The following RUFY1 variants were observed in gnomAD, a reference collection of about 807,000 sequenced individuals.
RUFY1 encodes the protein RUN and FYVE domain-containing protein 1.
RUFY1 carries 54 observed loss-of-function variants against 94.6 expected under a neutral mutation model. The observed-to-expected ratio is 0.57, with a 90% CI of 0.46 to 0.72. The LOEUF is 0.72. Among genes scored for constraint, RUFY1 ranks in the 30% least tolerant of loss-of-function variants. The pLI is 0.00. For synonymous variants in RUFY1, 396 were observed against 347.3 expected (o/e 1.14, Z -1.56); for missense variants, 883 against 883.9 (o/e 1.00, Z 0.01).
chr5:179,585,913 G>T, intron 8 of RUFY1, 48 bp downstream of exon 8: 2 of 1,442,010 alleles, frequency 1.4e-6, no homozygotes, highest in Non-Finnish European at 2.0e-6. Flanking sequence ...ATGACCCAAG[G>T]TTAAGAGAAT....
At chr5:179,602,428 C>T (rs78921825) in intron 15 of RUFY1, 1,761 of 159,520 alleles carry the variant, frequency 0.011, 28 homozygotes, top group African/African-American at 0.039. Flanking sequence ...CCACTGCATC[C>T]GCCAGAGTCT....
At chr5:179,587,045 G>A (rs1764660684) in intron 8 of RUFY1, among the ~76,000 whole-genome samples, 1 of 152,150 alleles carries the variant, frequency 6.6e-6, no homozygotes, top group Non-Finnish European at 1.5e-5. Context: ...AAACTAAGCA[G>A]AGTTATGTGG....
chr5:179,609,455 C>T lies in RUFY1; in HGVS notation c.2063C>T (p.Pro688Leu), dbSNP rs376438789. ...CTGGCCCTGCCCTCCTACCCCAAGC[C>T]GGTGCGAGTGTGCGACAGCTGCCAC... ...NELALPSYPK[P>L]VRVCDSCHTL... The change falls in exon 18 of 18, where the codon CCG becomes CTG. Residue 688 changes from proline (P) to leucine (L), a missense_variant. By Grantham distance (98) the Pro-to-Leu change is moderately conservative. Transcript: ENST00000319449. 7 of 1,612,628 alleles carry T rather than the reference C, an allele frequency of 4.3e-6. No homozygotes were observed. Among genetic ancestry groups the T allele is most frequent in the South Asian group, 3.3e-5 (3 of 91,068 alleles).
chr5:179,562,013 C>T (rs1762497912), intron 2 of RUFY1, among the ~76,000 whole-genome samples: 1 of 151,666 alleles, frequency 6.6e-6, no homozygotes, highest in Non-Finnish European at 1.5e-5. Context: ...ATGGGCAATA[C>T]ATACTTCCAG....
At chr5:179,598,550 G>A (rs910217773) in intron 13 of RUFY1, 142 bp from the exon 14 acceptor site, 1 of 910,788 alleles carries the variant, frequency 1.1e-6, no homozygotes, top group Non-Finnish European at 1.7e-6. Context: ...TGACCCTGGA[G>A]GAGAGGGAAG....
intron 6 of RUFY1, among the ~76,000 whole-genome samples, chr5:179,580,651 G>C (rs924444833): frequency 8.6e-5 from 13 of 151,842 alleles, no homozygotes; most frequent in African/African-American, 2.9e-4. Flanking sequence ...TATAAGGGTT[G>C]TGTCGAGCCA....
intron 3 of RUFY1, among the ~76,000 whole-genome samples, chr5:179,564,815 A>G (rs973440107): frequency 6.6e-6 from 1 of 152,212 alleles, no homozygotes; most frequent in Non-Finnish European, 1.5e-5. Flanking sequence ...AGGAGATTAG[A>G]ACCACCCTAG....
At position 179,599,810 on chromosome 5, in the gene RUFY1, T is replaced by A. The variant is rs541209622; in HGVS notation, c.1761+989T>A. Among the ~76,000 whole-genome samples, 3 of 152,332 alleles carry A rather than the reference T, an allele frequency of 2.0e-5. No individual in the cohort carries two copies. In the East Asian group the frequency reaches 5.8e-4, roughly 29 times the overall value. On this transcript the variant is annotated intron_variant, in intron 14 of 17. Coordinates refer to ENST00000319449, the MANE Select transcript of RUFY1 (RefSeq NM_025158.5). ...AGGAAAACTGAGCCCAAAGCAGACCTCCCCTCGGCACCTGCCCCGGAGGGG... is the reference window on the plus strand; with the variant it reads ...AGGAAAACTGAGCCCAAAGCAGACCACCCCTCGGCACCTGCCCCGGAGGGG...
rs761397681 is a variant in RUFY1 at position 179,591,624 on chromosome 5, GAT to G, written c.1130_1131del (p.Ile377AsnfsTer8). The G allele has an allele frequency of 6.3e-7, 1 of 1,596,918 alleles. No individual in the cohort carries two copies. Among genetic ancestry groups the G allele is most frequent in the South Asian group, 1.1e-5 (1 of 89,676 alleles). On this transcript the variant is annotated frameshift_variant and splice_region_variant, in exon 10 of 18. Transcript: ENST00000319449. LOFTEE classifies it high-confidence loss of function. The part of the protein sequence containing the change: ...IRERSEKSVE[I>X]TKQDTKVELE... ...CCTCTTGGTGTCCTTGTTTGATACA[GAT>G]AACAAAACAGGATACCAAAGTTGAG... is the stretch of plus-strand genomic sequence containing the variant.
intron 9 of RUFY1, chr5:179,590,798 GTT>G (rs1215388293): frequency 6.9e-6 from 1 of 145,784 alleles, no homozygotes; most frequent in East Asian, 2.1e-4. Context: ...GTCTTGTTCT[GTT>G]TTAAAGAAAA....
At chr5:179,590,132 T>A (rs1764934358) in intron 9 of RUFY1, among the ~76,000 whole-genome samples, 1 of 151,988 alleles carries the variant, frequency 6.6e-6, no homozygotes, top group Non-Finnish European at 1.5e-5. Flanking sequence ...GGCGGGCGGA[T>A]CACGAGGCCA....
At chr5:179,567,044 C>T (rs1044357387) in intron 3 of RUFY1, among the ~76,000 whole-genome samples, 3 of 151,920 alleles carry the variant, frequency 2.0e-5, no homozygotes, top group Non-Finnish European at 2.9e-5. Context: ...ACAGGCAAGA[C>T]TCTATCTCAA....
chr5:179,557,464 ACTT>A (rs1009674891), intron 1 of RUFY1, among the ~76,000 whole-genome samples: 2 of 152,160 alleles, frequency 1.3e-5, no homozygotes, highest in East Asian at 1.9e-4. Flanking sequence ...GGATAATTTC[ACTT>A]CTTATTCTTT....
Position 179,555,621 on chromosome 5 carries a change from C to CTTTT in RUFY1, c.311-4382_311-4379dup, listed in dbSNP as rs10556244. Reference sequence around the variant, plus strand: ...TGTAACCCCCTAAGAAAACTCCCAACTTTTTTTTTTTTTTTTTTTTTTTTT... The same window carrying CTTTT: ...TGTAACCCCCTAAGAAAACTCCCAACTTTTTTTTTTTTTTTTTTTTTTTTTTTTT... On this transcript the variant is annotated intron_variant, in intron 1 of 17. Transcript: ENST00000319449. 2.2e-3 allele frequency: 554 copies of CTTTT among 249,622 alleles called. 1 individual carries two copies. Among genetic ancestry groups the CTTTT allele is most frequent in the African/African-American group, 4.0e-3 (87 of 21,612 alleles). The allele number at this position is 249,622 out of a possible 1,614,324, so 15.5% of individuals were successfully genotyped here.
At chr5:179,554,238 T>C (rs1362683148) in intron 1 of RUFY1, among the ~76,000 whole-genome samples, 1 of 152,184 alleles carries the variant, frequency 6.6e-6, no homozygotes, top group Non-Finnish European at 1.5e-5. Context: ...TGAATACTTG[T>C]TTTAAAATGT....
intron 1 of RUFY1, among the ~76,000 whole-genome samples, chr5:179,556,855 A>C (rs1762140430): frequency 6.6e-6 from 1 of 152,178 alleles, no homozygotes; most frequent in Admixed American, 6.5e-5. Flanking sequence ...ATTAGCATAT[A>C]TCTGTAGATG....
chr5:179,605,999 C>G lies in RUFY1; in HGVS notation c.1905+75C>G, dbSNP rs977146608. ...CCCGTGTGCTCGTACGTTTAAGTAT[C>G]CCAACAGTCAGGTGAGAGCGTGTGG... On this transcript the variant is annotated intron_variant, in intron 16 of 17. Coordinates refer to ENST00000319449, the MANE Select transcript of RUFY1 (RefSeq NM_025158.5). The G allele has an allele frequency of 3.0e-6, 3 of 989,012 alleles. No individual in the cohort carries two copies. The African/African-American group carries it at 4.8e-5, about 16-fold the overall frequency. 61.3% of individuals were successfully genotyped at this position (989,012 alleles called of 1,614,324 possible). A position where few individuals can be genotyped will look rare whatever the true frequency, so the allele number is the denominator to read the frequency against.
chr5:179,554,007 A>G (rs538924714), intron 1 of RUFY1, among the ~76,000 whole-genome samples: 1 of 152,256 alleles, frequency 6.6e-6, no homozygotes, highest in Non-Finnish European at 1.5e-5. Context: ...GCAGCGACAC[A>G]AGAAAAACAG....
intron 4 of RUFY1, among the ~76,000 whole-genome samples, chr5:179,568,758 A>G (rs181573715): frequency 6.6e-6 from 1 of 152,214 alleles, no homozygotes; most frequent in African/African-American, 2.4e-5. Context: ...AGTGGCCTGG[A>G]TGCCACTGGA....
Sources: gnomAD v4.1 joint callset for allele counts (sites outside exome capture counted in the v4.1 genomes callset) on GRCh38, gnomAD v4.1.1 for gene constraint, MANE v1.5 for transcripts, NCBI Gene and HGNC (gene_info 2026-07-23, HGNC 2026-07-21) for gene names.